CFAP54: variants seen among roughly 807,000 people sequenced by gnomAD.
CFAP54 encodes the protein cilia- and flagella-associated protein 54.
In CFAP54, 290 loss-of-function variants were observed where a neutral mutation model predicts 370.4. That is an observed-to-expected ratio of 0.78 (90% confidence interval 0.71 to 0.86). The LOEUF (loss-of-function observed/expected upper bound fraction) is 0.86. Ranked by LOEUF, CFAP54 falls within the 40% of genes least tolerant of loss-of-function variation. The probability of loss-of-function intolerance (pLI) is 0.00; values close to 1 mark genes in which losing one functional copy is unlikely to be tolerated. For missense variants in CFAP54, 3,399 were observed against 3,528.7 expected, an observed-to-expected ratio of 0.96 and a Z score of 0.93; for synonymous variants, 1,206 against 1,236.5, an observed-to-expected ratio of 0.98 and a Z score of 0.52.
chr12:96,820,899 A>G (rs1267103974), intron 65 of CFAP54, among the ~76,000 whole-genome samples: 1 of 152,146 alleles, frequency 6.6e-6, no homozygotes, highest in Non-Finnish European at 1.5e-5. Context: ...CATGGTCTAG[A>G]ATATTCTTTG....
intron 67 of CFAP54, among the ~76,000 whole-genome samples, chr12:96,863,776 A>G (rs1436271197): frequency 1.3e-5 from 2 of 152,098 alleles, no homozygotes; most frequent in Non-Finnish European, 2.9e-5. Context: ...GAGCTCTTCC[A>G]ACTATTGCAG....
At chr12:96,687,545 A>G (rs951377423) in intron 42 of CFAP54, among the ~76,000 whole-genome samples, 4 of 152,202 alleles carry the variant, frequency 2.6e-5, no homozygotes, top group African/African-American at 4.8e-5. Flanking sequence ...AACAACCTGC[A>G]TAGTGTTTTA....
rs145206348 is a variant in CFAP54, at chr12:96,768,577, C to T, written c.8281+3359C>T. 8.6e-5 allele frequency among the ~76,000 whole-genome samples: 13 copies of T among 152,018 alleles called. No individual in the cohort carries two copies. In the East Asian group the frequency reaches 2.5e-3, roughly 30 times the overall value. ...CTGAGGCAGGATAAATGGATTGAAC[C>T]TGGGAGGCAGAGGTTGCAGTGAGCC... On this transcript the variant is annotated intron_variant, in intron 60 of 67. Coordinates refer to ENST00000524981, the MANE Select transcript of CFAP54 (RefSeq NM_001306084.2).
intron 32 of CFAP54, among the ~76,000 whole-genome samples, chr12:96,632,560 A>T (rs371050959): frequency 2.6e-5 from 4 of 152,002 alleles, no homozygotes; most frequent in Non-Finnish European, 4.4e-5. Flanking sequence ...TCATATATGT[A>T]GCTTTGGGAT....
chr12:96,567,538 A>G (rs1405095597), intron 19 of CFAP54, among the ~76,000 whole-genome samples: 1 of 152,162 alleles, frequency 6.6e-6, no homozygotes, highest in Non-Finnish European at 1.5e-5. Flanking sequence ...GGTTGTGTTC[A>G]GATCCATTTT....
intron 9 of CFAP54, among the ~76,000 whole-genome samples, chr12:96,529,519 G>A (rs912217890): frequency 2.6e-5 from 4 of 152,016 alleles, no homozygotes; most frequent in Non-Finnish European, 4.4e-5. Context: ...CTGACACTTA[G>A]TATTATCTGT....
At chr12:96,706,007 A>G (rs545465420) in intron 47 of CFAP54, among the ~76,000 whole-genome samples, 62 of 152,096 alleles carry the variant, frequency 4.1e-4, no homozygotes, top group Admixed American at 7.2e-4. Flanking sequence ...AGATAGCCCC[A>G]ACATCTGCCT....
intron 32 of CFAP54, among the ~76,000 whole-genome samples, chr12:96,638,199 A>C (rs1270454572): frequency 1.5e-5 from 2 of 135,432 alleles, no homozygotes; most frequent in African/African-American, 5.3e-5. Flanking sequence ...ATATATATAT[A>C]TATGCATGTG....
At chr12:96,567,111 A>G (rs1592854443) in intron 19 of CFAP54, among the ~76,000 whole-genome samples, 1 of 152,200 alleles carries the variant, frequency 6.6e-6, no homozygotes, top group African/African-American at 2.4e-5. Context: ...GAATACTGAA[A>G]GAGCCAGAGA....
chr12:96,507,703 CAG>C (rs2136354526), intron 4 of CFAP54, among the ~76,000 whole-genome samples: 1 of 152,256 alleles, frequency 6.6e-6, no homozygotes, highest in Non-Finnish European at 1.5e-5. Context: ...AAAATATTGA[CAG>C]TGTGTTCGAT....
At chr12:96,635,921 C>G (rs1240373863) in intron 32 of CFAP54, among the ~76,000 whole-genome samples, 2 of 152,252 alleles carry the variant, frequency 1.3e-5, no homozygotes, top group East Asian at 1.9e-4. Flanking sequence ...GTGGTTGTAC[C>G]TACCTGGAAG....
chr12:96,701,509 G>C (rs916210487), intron 46 of CFAP54, among the ~76,000 whole-genome samples: 2 of 152,036 alleles, frequency 1.3e-5, no homozygotes, highest in Non-Finnish European at 2.9e-5. Flanking sequence ...AAGCACATAA[G>C]TATATGTCAG....
At chr12:96,590,960 A>T (rs1443347772) in intron 23 of CFAP54, among the ~76,000 whole-genome samples, 2 of 136,366 alleles carry the variant, frequency 1.5e-5, no homozygotes, top group Admixed American at 1.5e-4. Context: ...CATCATCAAG[A>T]TCTTGAAAAT....
chr12:96,502,276 G>C (rs1399322414), intron 2 of CFAP54, among the ~76,000 whole-genome samples: 1 of 151,886 alleles, frequency 6.6e-6, no homozygotes, highest in Non-Finnish European at 1.5e-5. Flanking sequence ...ATGTTGGCCA[G>C]GCTGGGCATG....
intron 6 of CFAP54, among the ~76,000 whole-genome samples, 154 bp downstream of exon 6, chr12:96,519,225 G>A (rs1042242488): frequency 2.6e-5 from 4 of 151,744 alleles, no homozygotes; most frequent in Admixed American, 2.0e-4. Context: ...CAGCCTCCTG[G>A]GTAGCTGGGA....
chr12:96,594,179 A>G, intron 24 of CFAP54, 112 bp from the exon 25 acceptor site: 1 of 677,356 alleles, frequency 1.5e-6, no homozygotes, highest in East Asian at 2.8e-5. Context: ...TAAAATACAA[A>G]CACTCATGTT....
chr12:96,527,486 C>T (rs1955396014), intron 9 of CFAP54, 42 bp downstream of exon 9: 7 of 1,355,374 alleles, frequency 5.2e-6, no homozygotes, highest in East Asian at 5.2e-5. Context: ...TAGAATGATA[C>T]ACATGAGTAA....
intron 30 of CFAP54, among the ~76,000 whole-genome samples, chr12:96,627,643 A>G (rs1956561765): frequency 6.6e-6 from 1 of 152,216 alleles, no homozygotes; most frequent in Non-Finnish European, 1.5e-5. Context: ...TAGGTACTTC[A>G]TTTATTAGAA....
At chr12:96,694,363 T>C (rs1957418377) in intron 45 of CFAP54, among the ~76,000 whole-genome samples, 1 of 152,170 alleles carries the variant, frequency 6.6e-6, no homozygotes, top group Non-Finnish European at 1.5e-5. Flanking sequence ...TAATCACCCA[T>C]GTTGCCAGCT....
Sources: allele counts gnomAD v4.1 joint callset (sites outside exome capture counted in the v4.1 genomes callset), GRCh38; gene constraint gnomAD v4.1.1; transcripts MANE v1.5; gene names NCBI Gene and HGNC (gene_info 2026-07-23, HGNC 2026-07-21).